AGBL2: variants seen among roughly 807,000 people sequenced by gnomAD.
AGBL2 encodes the protein cytosolic carboxypeptidase 2.
AGBL2 carries 87 observed loss-of-function variants against 103.0 expected under a neutral mutation model. The observed-to-expected ratio is 0.84, with a 90% confidence interval of 0.71 to 1.01. The LOEUF (loss-of-function observed/expected upper bound fraction) is 1.01, where lower values mean the gene tolerates loss of function less well. Ranked by LOEUF, AGBL2 falls within the 50% of genes least tolerant of loss-of-function variation. The pLI is 0.00. For synonymous variants in AGBL2, 335 were observed against 356.7 expected (o/e 0.94, Z 0.69); for missense variants, 904 against 1,023.5 (o/e 0.88, Z 1.59).
chr11:47,682,192 C>T, intron 11 of AGBL2, 97 bp from the exon 12 acceptor site: 1 of 1,232,674 alleles, frequency 8.1e-7, no homozygotes, highest in Non-Finnish European at 1.1e-6. Flanking sequence ...CCTTGGGGTC[C>T]ATATGTTATT....
chr11:47,667,195 C>G, intron 16 of AGBL2, 132 bp from the exon 17 acceptor site: 2 of 661,234 alleles, frequency 3.0e-6, no homozygotes, highest in Non-Finnish European at 5.1e-6. Context: ...GGGAGTGTGG[C>G]AGCTTGGACA....
rs1291062079 is a variant in AGBL2 at position 47,667,659 on chromosome 11, T to C, written c.2252A>G (p.Lys751Arg). 6.2e-7 allele frequency: 1 copy of C among 1,611,664 alleles called. No individual in the cohort carries two copies. ...QKKKMFKKKK[K>R]KSLQTRKQRN... ...CTGTTTCCTAGTCTGAAGTGACTTCTTTTTTTTCTTCTTAAACATCTTCTT... is the reference window on the plus strand; with the variant it reads ...CTGTTTCCTAGTCTGAAGTGACTTCCTTTTTTTCTTCTTAAACATCTTCTT... Residue 751 changes from lysine to arginine, a missense_variant, in exon 16 of 19, where the codon AAG becomes AGG. Coordinates refer to ENST00000525123, the MANE Select transcript of AGBL2 (RefSeq NM_024783.4).
intron 11 of AGBL2, among the ~76,000 whole-genome samples, chr11:47,685,084 C>G (rs997778599): frequency 5.3e-5 from 8 of 152,130 alleles, no homozygotes; most frequent in Admixed American, 4.6e-4. Context: ...GTTGTGCATG[C>G]CTGTACTCTC....
chr11:47,685,641 C>T (rs1481116133), intron 11 of AGBL2, among the ~76,000 whole-genome samples: 1 of 151,772 alleles, frequency 6.6e-6, no homozygotes, highest in African/African-American at 2.4e-5. Context: ...AGGCTGGTCT[C>T]GAACTCCTGA....
intron 8 of AGBL2, among the ~76,000 whole-genome samples, chr11:47,693,268 C>T (rs933070739): frequency 2.0e-5 from 3 of 151,982 alleles, no homozygotes; most frequent in African/African-American, 7.2e-5. Flanking sequence ...TTCAAGTGAA[C>T]CTCCTGCCTC....
intron 17 of AGBL2, 102 bp from the exon 18 acceptor site, chr11:47,663,214 C>G (rs543488836): frequency 1.4e-6 from 1 of 722,658 alleles, no homozygotes; most frequent in South Asian, 1.9e-5. Context: ...CATGTTGATT[C>G]ATTGTGATAT....
At chr11:47,710,991 A>G (rs1394159359) in intron 3 of AGBL2, 1 of 376,184 alleles carries the variant, frequency 2.7e-6, no homozygotes, top group Non-Finnish European at 5.1e-6. Flanking sequence ...TTCAACATAG[A>G]AAGGGTTCCA....
At chr11:47,705,693 G>T in intron 5 of AGBL2, 59 bp from the exon 6 acceptor site, 1 of 602,050 alleles carries the variant, frequency 1.7e-6, no homozygotes, top group Non-Finnish European at 3.0e-6. Context: ...GAGGAAAAAA[G>T]AAAAAAATGG....
chr11:47,702,822 C>T (rs910714068), intron 7 of AGBL2, among the ~76,000 whole-genome samples: 2 of 151,722 alleles, frequency 1.3e-5, no homozygotes, highest in East Asian at 1.9e-4. Flanking sequence ...TGCAGTGAGC[C>T]GAGATGGAGC....
chr11:47,660,442 A>G (rs562333323), intron 18 of AGBL2, 96 bp from the exon 19 acceptor site: 1 of 1,131,326 alleles, frequency 8.8e-7, no homozygotes, highest in East Asian at 2.4e-5. Context: ...GGAGCTGGTG[A>G]GAAATATTTG....
At chr11:47,689,937 G>A in intron 10 of AGBL2, 139 bp downstream of exon 10, 1 of 678,072 alleles carries the variant, frequency 1.5e-6, no homozygotes. Context: ...TGACTACAAA[G>A]AGACTGGTAA....
chr11:47,672,321 CT>C (rs138849632), intron 14 of AGBL2, among the ~76,000 whole-genome samples: 146 of 148,034 alleles, frequency 9.9e-4, no homozygotes, highest in African/African-American at 2.4e-3. Flanking sequence ...GCAGAGCACA[CT>C]TTTTTTTTTT....
intron 14 of AGBL2, among the ~76,000 whole-genome samples, chr11:47,672,127 A>T (rs929304155): frequency 2.0e-5 from 3 of 152,062 alleles, no homozygotes; most frequent in African/African-American, 2.4e-5. Context: ...TAAATTTTTT[A>T]AAAAATAGAA....
intron 14 of AGBL2, among the ~76,000 whole-genome samples, chr11:47,676,813 C>CAAAAA (rs566335901): frequency 1.0e-4 from 7 of 69,750 alleles, no homozygotes; most frequent in African/African-American, 9.7e-5. Context: ...GCCTCCATCT[C>CAAAAA]AAAAAAAAAA....
chr11:47,669,660 C>T (rs2097351333), intron 14 of AGBL2, among the ~76,000 whole-genome samples: 1 of 150,670 alleles, frequency 6.6e-6, no homozygotes, highest in Non-Finnish European at 1.5e-5. Context: ...GCCTAAGCAA[C>T]AAGAGTGAAG....
chr11:47,672,917 G>A (rs890768283), intron 14 of AGBL2, among the ~76,000 whole-genome samples: 10 of 152,218 alleles, frequency 6.6e-5, no homozygotes, highest in African/African-American at 1.9e-4. Context: ...AAAGCAGCTG[G>A]GTCATCCACG....
intron 12 of AGBL2, among the ~76,000 whole-genome samples, chr11:47,681,609 C>T (rs1015287187): frequency 7.9e-5 from 12 of 152,110 alleles, no homozygotes; most frequent in African/African-American, 2.9e-4. Context: ...CTGGGACTAC[C>T]GGCACGTGCC....
In AGBL2 at chr11:47,667,714, G is replaced by A; in HGVS notation, c.2215-18C>T. 6.2e-7 allele frequency: 1 copy of A among 1,605,734 alleles called. No individual in the cohort carries two copies. Among genetic ancestry groups the A allele is most frequent in the South Asian group, 1.1e-5 (1 of 90,292 alleles). On this transcript the variant is annotated intron_variant, in intron 15 of 18. Coordinates refer to ENST00000525123, the MANE Select transcript of AGBL2 (RefSeq NM_024783.4). ...TGAGTCAGCTATTCCAGAAAGTAGA[G>A]AAACTGGTCATTGAAGATTCCAGAA...
At chr11:47,694,481 A>G (rs2097459595) in intron 8 of AGBL2, among the ~76,000 whole-genome samples, 1 of 152,126 alleles carries the variant, frequency 6.6e-6, no homozygotes, top group African/African-American at 2.4e-5. Flanking sequence ...CATTTCCCCA[A>G]GAATCTTTCT....
Sources: allele counts gnomAD v4.1 joint callset (sites outside exome capture counted in the v4.1 genomes callset), GRCh38; gene constraint gnomAD v4.1.1; transcripts MANE v1.5; gene names NCBI Gene and HGNC (gene_info 2026-07-23, HGNC 2026-07-21).